The following ACP3 variants were observed in gnomAD, a reference collection of about 807,000 sequenced individuals.
ACP3 encodes acid phosphatase 3, also known as prostatic acid phosphatase.
Under a neutral mutation model 45.6 loss-of-function variants are expected in ACP3, and 38 were observed. The ratio of observed to expected loss-of-function variants is 0.83; its 90% CI spans 0.64 to 1.09. The LOEUF is 1.09. Ranked by LOEUF, ACP3 falls within the 50% of genes least tolerant of loss-of-function variation. The pLI is 0.00. For missense variants in ACP3, 466 were observed against 463.2 expected (o/e 1.01, Z -0.05); for synonymous variants, 162 against 164.7 (o/e 0.98, Z 0.13).
intron 1 of ACP3, among the ~76,000 whole-genome samples, chr3:132,318,478 T>A (rs1451867510): frequency 6.6e-6 from 1 of 151,940 alleles, no homozygotes; most frequent in Admixed American, 6.6e-5. Context: ...AAGTCACTGT[T>A]TCCTTAAAAA....
Position 132,358,682 on chromosome 3 carries a change from T to C in ACP3, c.*1804T>C. ...AAGTAAATGTTTGTCCTTGGGTCCA[T>C]TTTCTATGCTTGTAACTGTCTTCTA... On this transcript the variant is annotated 3_prime_UTR_variant, in exon 10 of 10. Coordinates refer to ENST00000336375, the MANE Select transcript of ACP3 (RefSeq NM_001099.5). 9.7e-7 allele frequency: 1 copy of C among 1,025,942 alleles called. No individual in the cohort carries two copies. The highest frequency in any genetic ancestry group is 1.2e-6 in the Non-Finnish European group (1 of 851,122). The allele number at this position is 1,025,942 out of a possible 1,614,324, so 63.6% of individuals were successfully genotyped here. A position where few individuals can be genotyped will look rare whatever the true frequency, so the allele number is the denominator to read the frequency against.
intron 1 of ACP3, among the ~76,000 whole-genome samples, chr3:132,321,874 A>G (rs1338000511): frequency 1.3e-5 from 2 of 152,232 alleles, no homozygotes; most frequent in African/African-American, 4.8e-5. Context: ...TCTGAATAAT[A>G]TAACAACAAA....
At chr3:132,336,965 C>G (rs929051132) in intron 4 of ACP3, among the ~76,000 whole-genome samples, 2 of 152,128 alleles carry the variant, frequency 1.3e-5, no homozygotes, top group Non-Finnish European at 2.9e-5. Flanking sequence ...GTACTCTTAA[C>G]AGTCTGCAAA....
In ACP3 at chr3:132,337,668, C is replaced by T. The variant is rs866582734; in HGVS notation, c.555+114C>T. 6.7e-5 allele frequency: 41 copies of T among 612,480 alleles called. 1 individual carries two copies. In the Middle Eastern group the frequency reaches 1.6e-3, roughly 24 times the overall value. 37.9% of individuals were successfully genotyped at this position (612,480 alleles called of 1,614,324 possible). A position where few individuals can be genotyped will look rare whatever the true frequency, so the allele number is the denominator to read the frequency against. On this transcript the variant is annotated intron_variant, in intron 5 of 9. Transcript: ENST00000336375. ...TCTTAAAAAGATGGGACGAATGCAT[C>T]TGTCAGTGGCTGGTTACAGCAATGG...
In ACP3 at chr3:132,356,938, G is replaced by C; in HGVS notation, c.*60G>C. Reference sequence around the variant, plus strand: ...CCTTTCTCAGGGCAGATGATGCTTTGAGAACATACTTTGGCCATTACCCCC... The same window carrying C: ...CCTTTCTCAGGGCAGATGATGCTTTCAGAACATACTTTGGCCATTACCCCC... On this transcript the variant is annotated 3_prime_UTR_variant, in exon 10 of 10. Transcript: ENST00000336375. 6.5e-7 allele frequency: 1 copy of C among 1,542,664 alleles called. No individual in the cohort carries two copies.
chr3:132,340,492 C>T (rs554478141), intron 5 of ACP3, among the ~76,000 whole-genome samples: 1 of 152,274 alleles, frequency 6.6e-6, no homozygotes, highest in African/African-American at 2.4e-5. Context: ...GCTTTCCCCA[C>T]TCCTAGGTTA....
chr3:132,334,547 G>A (rs150457481), intron 4 of ACP3, among the ~76,000 whole-genome samples: 25 of 152,288 alleles, frequency 1.6e-4, no homozygotes, highest in Admixed American at 7.2e-4. Flanking sequence ...TGAGACTTAC[G>A]TGCAGTTACC....
At chr3:132,340,009 A>T (rs564844002) in intron 5 of ACP3, among the ~76,000 whole-genome samples, 1 of 152,278 alleles carries the variant, frequency 6.6e-6, no homozygotes, top group East Asian at 1.9e-4. Flanking sequence ...TATGGCAGAA[A>T]ATGGAGATGA....
rs767964338 is a variant in ACP3, at chr3:132,366,290, ACT to A, written c.1139-1411_1139-1410del. ...ACTCCAGCTTGGGTGACAGAGTGAA[ACT>A]CTGTCTCAAAAAAAAAAAAAAAATT... On this transcript the variant is annotated intron_variant, in intron 10 of 10. Transcript: ENST00000351273. Among the ~76,000 whole-genome samples, 8 of 147,268 alleles carry A rather than the reference ACT, an allele frequency of 5.4e-5. No individual in the cohort carries two copies. In the East Asian group the frequency reaches 1.8e-3, roughly 32 times the overall value.
intron 1 of ACP3, among the ~76,000 whole-genome samples, chr3:132,323,550 T>G (rs1304358267): frequency 6.6e-6 from 1 of 152,216 alleles, no homozygotes; most frequent in Non-Finnish European, 1.5e-5. Flanking sequence ...GATGTCTCTC[T>G]GTAAAGGTCA....
At position 132,334,067 on chromosome 3, in the gene ACP3, G is replaced by A. The variant is rs143481478; in HGVS notation, c.456+1723G>A. ...GCTTGGGCAACAAGAGCGAAATTCCGTCTCAAAAATAAATAAAAAACAAAA... is the reference window on the plus strand; with the variant it reads ...GCTTGGGCAACAAGAGCGAAATTCCATCTCAAAAATAAATAAAAAACAAAA... On this transcript the variant is annotated intron_variant, in intron 4 of 9. Transcript: ENST00000336375. 2.7e-3 allele frequency among the ~76,000 whole-genome samples: 405 copies of A among 152,216 alleles called. 3 individuals carry two copies. Among genetic ancestry groups the A allele is most frequent in the African/African-American group, 7.9e-3 (328 of 41,520 alleles).
rs1339036627 is a variant in ACP3, at chr3:132,358,704, T to C, written c.*1826T>C. ...CCATTTTCTATGCTTGTAACTGTCT[T>C]CTAGCAGTGAGCCAAATGTAAAATA... On this transcript the variant is annotated 3_prime_UTR_variant, in exon 10 of 10. Coordinates refer to ENST00000336375, the MANE Select transcript of ACP3 (RefSeq NM_001099.5). 5 of 1,005,470 alleles carry C rather than the reference T, an allele frequency of 5.0e-6. No homozygotes were observed. Among genetic ancestry groups the C allele is most frequent in the African/African-American group, 3.4e-5 (2 of 58,252 alleles). 62.3% of individuals were successfully genotyped at this position (1,005,470 alleles called of 1,614,324 possible).
chr3:132,364,598 T>C (rs1055167778), intron 10 of ACP3, among the ~76,000 whole-genome samples: 2 of 152,360 alleles, frequency 1.3e-5, no homozygotes, highest in African/African-American at 2.4e-5. Context: ...TTTGTTTCAA[T>C]AGCATTTCTT....
chr3:132,356,850 A>T lies in ACP3; in HGVS notation c.1133A>T (p.His378Leu). 1 of 1,614,166 alleles carries T rather than the reference A, an allele frequency of 6.2e-7. No homozygotes were observed. The highest frequency in any genetic ancestry group is 1.3e-5 in the African/African-American group (1 of 75,046). The change falls in exon 10 of 10, where the codon CAT (histidine) becomes CTT (leucine). Residue 378 changes from histidine to leucine, a missense_variant. Transcript: ENST00000336375. ...WSTECMTTNS[H>L]QGTEDSTD ...ACGGAGTGTATGACCACAAACAGCC[A>T]TCAAGGTACTGAAGACAGTACAGAT... is the stretch of plus-strand genomic sequence containing the variant.
At chr3:132,352,291 G>A (rs533587454) in intron 8 of ACP3, among the ~76,000 whole-genome samples, 1 of 151,964 alleles carries the variant, frequency 6.6e-6, no homozygotes, top group East Asian at 1.9e-4. Context: ...TCTGCCTCCC[G>A]GGTTCAAGCG....
rs138177825 is a variant in ACP3 at position 132,317,527 on chromosome 3, T to A, written c.71T>A (p.Phe24Tyr). 1 of 1,613,848 alleles carries A rather than the reference T, an allele frequency of 6.2e-7. No individual in the cohort carries two copies. ...LSLGFLFLLFFWLDRSVLAKE... is the reference protein window; with the variant it reads ...LSLGFLFLLFYWLDRSVLAKE... The stretch of plus-strand genomic sequence containing the variant: ...CTTGGCTTCTTGTTTCTGCTTTTTT[T>A]CTGGCTAGACCGAAGTGTACTAGCC... The change falls in exon 1 of 10, where the codon TTC (phenylalanine) becomes TAC (tyrosine). Residue 24 changes from phenylalanine to tyrosine, a missense_variant. By Grantham distance (22) the Phe-to-Tyr change is conservative. Coordinates refer to ENST00000336375, the MANE Select transcript of ACP3 (RefSeq NM_001099.5).
At chr3:132,364,240 C>T (rs536714670) in intron 10 of ACP3, among the ~76,000 whole-genome samples, 36 of 152,194 alleles carry the variant, frequency 2.4e-4, no homozygotes, top group South Asian at 8.3e-4. Flanking sequence ...CAGCTTCCCC[C>T]GGGAGGCTGA....
intron 5 of ACP3, among the ~76,000 whole-genome samples, chr3:132,338,793 C>A (rs1937521301): frequency 8.1e-6 from 1 of 123,880 alleles, no homozygotes; most frequent in Non-Finnish European, 2.0e-5. Flanking sequence ...TGCTATAGTA[C>A]TTTTCTTCTT....
intron 1 of ACP3, among the ~76,000 whole-genome samples, chr3:132,320,546 C>T (rs141163652): frequency 5.9e-5 from 9 of 152,162 alleles, no homozygotes; most frequent in African/African-American, 1.2e-4. Flanking sequence ...CTCATTTCAC[C>T]GGTGTTAAGA....
Sources: allele counts gnomAD v4.1 joint callset (sites outside exome capture counted in the v4.1 genomes callset), GRCh38; gene constraint gnomAD v4.1.1; transcripts MANE v1.5; gene names NCBI Gene and HGNC (gene_info 2026-07-23, HGNC 2026-07-21).